CD58: variants seen among roughly 807,000 people sequenced by gnomAD.
CD58 encodes CD58 molecule.
Under a neutral mutation model 27.6 loss-of-function variants are expected in CD58, and 14 were observed. The observed-to-expected ratio is 0.51, with a 90% CI of 0.34 to 0.79. The LOEUF (loss-of-function observed/expected upper bound fraction) is 0.79, where lower values mean the gene tolerates loss of function less well. CD58 is among the 30% of genes least tolerant of loss of function. The pLI is 0.02. For synonymous variants in CD58, 117 were observed against 103.8 expected (o/e 1.13, Z -0.77); for missense variants, 268 against 301.7 (o/e 0.89, Z 0.83).
intron 3 of CD58, among the ~76,000 whole-genome samples, chr1:116,526,908 A>G (rs1326777983): frequency 6.6e-6 from 1 of 152,030 alleles, no homozygotes; most frequent in East Asian, 1.9e-4. Flanking sequence ...ATATTTTGTT[A>G]TTGTACCTAA....
chr1:116,516,249 C>T lies in CD58; in HGVS notation c.744-1427G>A, dbSNP rs1207929421. Among the ~76,000 whole-genome samples, 1 of 152,068 alleles carries T rather than the reference C, an allele frequency of 6.6e-6. No individual in the cohort carries two copies. The highest frequency in any genetic ancestry group is 1.5e-5 in the Non-Finnish European group (1 of 68,030). On this transcript the variant is annotated intron_variant, in intron 5 of 5. Coordinates refer to ENST00000369489, the MANE Select transcript of CD58 (RefSeq NM_001779.3). This position sits in a 1 kb window ranked among gnomAD's most constrained non-coding sequence, Gnocchi z 6.1. ...ATTCCCCCTGCTGCCACAATGGGTT[C>T]TTTAAATTTAAAAATAATTATTAAA...
Position 116,557,367 on chromosome 1 carries a change from C to T in CD58, c.71-12763G>A, listed in dbSNP as rs186533272. On this transcript the variant is annotated intron_variant, in intron 1 of 5. Transcript: ENST00000369489. The surrounding 1 kb of genome is among the most constrained non-coding windows in gnomAD (Gnocchi z 5.2). ...ACCAAAACAGACTCAGTTTTTCAGCCCCACTTTCTGCCTCATCACCAAAGC... is the reference window on the plus strand; with the variant it reads ...ACCAAAACAGACTCAGTTTTTCAGCTCCACTTTCTGCCTCATCACCAAAGC... 2.4e-4 allele frequency among the ~76,000 whole-genome samples: 36 copies of T among 152,228 alleles called. No homozygotes were observed. In the East Asian group the frequency reaches 5.0e-3, roughly 21 times the overall value.
At chr1:116,565,652 AC>A (rs1658905036) in intron 1 of CD58, among the ~76,000 whole-genome samples, 2 of 151,162 alleles carry the variant, frequency 1.3e-5, no homozygotes, top group Admixed American at 1.3e-4. Context: ...ATAGAGTGTT[AC>A]CTTGTTTAAG....
rs1658598340 is a variant in CD58 at position 116,557,313 on chromosome 1, A to G, written c.71-12709T>C. ...AAAGAAGTTTAACTGGAGCTTAAAA[A>G]TAAAATGGCTCAGGAGCCCTCATAT... is the stretch of plus-strand genomic sequence containing the variant. On this transcript the variant is annotated intron_variant, in intron 1 of 5. Coordinates refer to ENST00000369489, the MANE Select transcript of CD58 (RefSeq NM_001779.3). The surrounding 1 kb of genome is among the most constrained non-coding windows in gnomAD (Gnocchi z 5.2). 6.6e-6 allele frequency among the ~76,000 whole-genome samples: 1 copy of G among 152,204 alleles called. No individual in the cohort carries two copies. The highest frequency in any genetic ancestry group is 1.5e-5 in the Non-Finnish European group (1 of 68,044).
At chr1:116,556,810 G>T (rs894693193) in intron 1 of CD58, among the ~76,000 whole-genome samples, 1 of 152,208 alleles carries the variant, frequency 6.6e-6, no homozygotes, top group Admixed American at 6.5e-5. Flanking sequence ...AGTCAGAAGG[G>T]ACTGGTGAGG....
intron 3 of CD58, chr1:116,533,398 G>T: frequency 1.2e-6 from 1 of 839,212 alleles, no homozygotes. Context: ...GCCTTATCTG[G>T]TTCTGATTTC....
rs999653779 is a variant in CD58, at chr1:116,563,105, G to A, written c.70+7798C>T. 2.0e-5 allele frequency among the ~76,000 whole-genome samples: 3 copies of A among 152,190 alleles called. No homozygotes were observed. The highest frequency in any genetic ancestry group is 4.8e-5 in the African/African-American group (2 of 41,434). On this transcript the variant is annotated intron_variant, in intron 1 of 5. Coordinates refer to ENST00000369489, the MANE Select transcript of CD58 (RefSeq NM_001779.3). The surrounding 1 kb of genome is among the most constrained non-coding windows in gnomAD (Gnocchi z 4.1). ...GAGTAAATATATCCATTCCAAATGG[G>A]AGAAATTGTCCAAAACAAAAGGGCT...
chr1:116,569,222 C>T (rs1044340202), intron 1 of CD58, among the ~76,000 whole-genome samples: 1 of 152,206 alleles, frequency 6.6e-6, no homozygotes, highest in Non-Finnish European at 1.5e-5. Flanking sequence ...TGTATCTCTT[C>T]TTTTCCCCAG....
At position 116,523,374 on chromosome 1, in the gene CD58, G is replaced by A. The variant is rs572730584; in HGVS notation, c.629-1391C>T. Reference sequence around the variant, plus strand: ...CAAATGTGACATGGATATGGGAAAGGAAGGGAAAGGAAGGGAGAGGAGGAA... The same window carrying A: ...CAAATGTGACATGGATATGGGAAAGAAAGGGAAAGGAAGGGAGAGGAGGAA... On this transcript the variant is annotated intron_variant, in intron 3 of 5. Transcript: ENST00000369489. The surrounding 1 kb of genome is among the most constrained non-coding windows in gnomAD (Gnocchi z 4.4). 3.9e-5 allele frequency among the ~76,000 whole-genome samples: 6 copies of A among 152,210 alleles called. No individual in the cohort carries two copies. The highest frequency in any genetic ancestry group is 1.4e-4 in the African/African-American group (6 of 41,522).
At position 116,552,186 on chromosome 1, in the gene CD58, A is replaced by T. The variant is rs1450082226; in HGVS notation, c.71-7582T>A. Among the ~76,000 whole-genome samples, 1 of 152,202 alleles carries T rather than the reference A, an allele frequency of 6.6e-6. No homozygotes were observed. The highest frequency in any genetic ancestry group is 2.4e-5 in the African/African-American group (1 of 41,444). ...ATTAAATTGGCCTAATTTCAGTATC[A>T]TTGTCTCAGGTGACAAGGGAGGCCA... On this transcript the variant is annotated intron_variant, in intron 1 of 5. Transcript: ENST00000369489. This position sits in a 1 kb window ranked among gnomAD's most constrained non-coding sequence, Gnocchi z 4.5.
intron 1 of CD58, among the ~76,000 whole-genome samples, chr1:116,554,762 A>T (rs1381432397): frequency 6.6e-6 from 1 of 152,132 alleles, no homozygotes; most frequent in Non-Finnish European, 1.5e-5. Context: ...TCCTATTACT[A>T]TTATAATATT....
chr1:116,519,596 C>T lies in CD58; in HGVS notation c.707-329G>A, dbSNP rs1359416895. On this transcript the variant is annotated intron_variant, in intron 4 of 5. Coordinates refer to ENST00000369489, the MANE Select transcript of CD58 (RefSeq NM_001779.3). This position sits in a 1 kb window ranked among gnomAD's most constrained non-coding sequence, Gnocchi z 4.7. ...CTGTCCAATAGAAATATAATGCAAG[C>T]CACATAAGTAATTTAAAATTTTTGG... Among the ~76,000 whole-genome samples, 1 of 151,866 alleles carries T rather than the reference C, an allele frequency of 6.6e-6. No individual in the cohort carries two copies. Among genetic ancestry groups the T allele is most frequent in the African/African-American group, 2.4e-5 (1 of 41,322 alleles).
rs1357898102 is a variant in CD58 at position 116,523,442 on chromosome 1, T to A, written c.629-1459A>T. 6.6e-6 allele frequency among the ~76,000 whole-genome samples: 1 copy of A among 152,096 alleles called. No individual in the cohort carries two copies. The highest frequency in any genetic ancestry group is 2.4e-5 in the African/African-American group (1 of 41,404). On this transcript the variant is annotated intron_variant, in intron 3 of 5. Transcript: ENST00000369489. The surrounding 1 kb of genome is among the most constrained non-coding windows in gnomAD (Gnocchi z 4.4). ...TGAATAAATGAGAATAAGGATATGA[T>A]CACACTTTCCTTTTATTAGGAACAC...
chr1:116,551,636 A>G (rs1201718877), intron 1 of CD58, among the ~76,000 whole-genome samples: 1 of 150,194 alleles, frequency 6.7e-6, no homozygotes, highest in Non-Finnish European at 1.5e-5. Flanking sequence ...AGCACTTTTA[A>G]TTTCCTTCAA....
chr1:116,555,412 A>C (rs1658529318), intron 1 of CD58, among the ~76,000 whole-genome samples: 1 of 152,204 alleles, frequency 6.6e-6, no homozygotes, highest in South Asian at 2.1e-4. Context: ...GTCTGAATTA[A>C]CTGGGTGAGA....
chr1:116,530,248 C>G (rs1285702942), intron 3 of CD58, among the ~76,000 whole-genome samples: 1 of 151,682 alleles, frequency 6.6e-6, no homozygotes, highest in Non-Finnish European at 1.5e-5. Context: ...CTCTGTCACC[C>G]AGGCTGGAGT....
chr1:116,544,738 G>A (rs1658108153), intron 1 of CD58, 134 bp from the exon 2 acceptor site: 3 of 633,182 alleles, frequency 4.7e-6, no homozygotes, highest in Non-Finnish European at 8.1e-6. Context: ...GTTTGACCAT[G>A]TGGAGCTTAC....
rs1208393574 is a variant in CD58, at chr1:116,536,867, G to C, written c.365-639C>G. On this transcript the variant is annotated intron_variant, in intron 2 of 5. Coordinates refer to ENST00000369489, the MANE Select transcript of CD58 (RefSeq NM_001779.3). This position sits in a 1 kb window ranked among gnomAD's most constrained non-coding sequence, Gnocchi z 5.4. ...GTCTTCGCAAGTTGGTAGCAAAATC[G>C]TTTAGCTGCAAATCCTGACCTGACC... Among the ~76,000 whole-genome samples the C allele has an allele frequency of 5.9e-5, 9 of 152,166 alleles. No homozygotes were observed. Among genetic ancestry groups the C allele is most frequent in the Non-Finnish European group, 4.4e-5 (3 of 68,022 alleles).
In CD58 at chr1:116,557,830, C is replaced by G. The variant is rs564667721; in HGVS notation, c.70+13073G>C. ...CTAGAACTACAGTTGCATGCCACCA[C>G]GCCCAGCTAATTTTTATATTTTTTG... On this transcript the variant is annotated intron_variant, in intron 1 of 5. Coordinates refer to ENST00000369489, the MANE Select transcript of CD58 (RefSeq NM_001779.3). The surrounding 1 kb of genome is among the most constrained non-coding windows in gnomAD (Gnocchi z 5.2). Among the ~76,000 whole-genome samples, 8 of 151,936 alleles carry G rather than the reference C, an allele frequency of 5.3e-5. No homozygotes were observed. In the South Asian group the frequency reaches 1.5e-3, roughly 28 times the overall value.
Sources: allele counts gnomAD v4.1 joint callset (sites outside exome capture counted in the v4.1 genomes callset), GRCh38; gene constraint gnomAD v4.1.1; non-coding constraint Gnocchi (gnomAD v3.1); transcripts MANE v1.5; gene names NCBI Gene and HGNC (gene_info 2026-07-23, HGNC 2026-07-21).